Variants in FBXO28 observed in about 807,000 individuals in gnomAD.
FBXO28 encodes F-box protein 28, also known as F-box only protein 28.
Under a neutral mutation model 38.1 loss-of-function variants are expected in FBXO28, and 8 were observed. That is an observed-to-expected ratio of 0.21 (90% CI 0.12 to 0.38). The LOEUF is 0.38. Ranked by LOEUF, FBXO28 falls within the 10% of genes least tolerant of loss-of-function variation. The pLI, the probability that FBXO28 is intolerant of heterozygous loss-of-function variation, is 1.00. For missense variants in FBXO28, 345 were observed against 460.6 expected (o/e 0.75, Z 2.30); for synonymous variants, 168 against 173.8 (o/e 0.97, Z 0.26).
rs954257746 is a variant in FBXO28, at chr1:224,158,649, A to G, written c.*903A>G. Reference sequence around the variant, plus strand: ...TATCTGCTCTCTGTAGGGTTCAGGTACACTGGCTAAGGCAGAACCCCAAAT... The same window carrying G: ...TATCTGCTCTCTGTAGGGTTCAGGTGCACTGGCTAAGGCAGAACCCCAAAT... On this transcript the variant is annotated 3_prime_UTR_variant, in exon 5 of 5. Coordinates refer to ENST00000366862, the MANE Select transcript of FBXO28 (RefSeq NM_015176.4). 6.6e-6 allele frequency: 1 copy of G among 152,210 alleles called. No individual in the cohort carries two copies. Among genetic ancestry groups the G allele is most frequent in the African/African-American group, 2.4e-5 (1 of 41,436 alleles). 9.4% of individuals were successfully genotyped at this position (152,210 alleles called of 1,614,324 possible). A position where few individuals can be genotyped will look rare whatever the true frequency, so the allele number is the denominator to read the frequency against.
chr1:224,135,527 G>T (rs962799932), intron 3 of FBXO28, among the ~76,000 whole-genome samples: 2 of 144,262 alleles, frequency 1.4e-5, no homozygotes, highest in African/African-American at 5.2e-5. Flanking sequence ...CAGAAGAATC[G>T]CTTGAACCCG....
intron 2 of FBXO28, 74 bp downstream of exon 2, chr1:224,130,655 A>G (rs1657017626): frequency 2.1e-6 from 2 of 950,336 alleles, no homozygotes; most frequent in Non-Finnish European, 3.3e-6. Context: ...TTTCAGTCTC[A>G]TGGTTTACAT....
At chr1:224,117,365 A>C (rs1024553748) in intron 1 of FBXO28, among the ~76,000 whole-genome samples, 2 of 151,730 alleles carry the variant, frequency 1.3e-5, no homozygotes, top group Non-Finnish European at 2.9e-5. Flanking sequence ...ACGGGGTTTC[A>C]CCATGTTGCC....
intron 1 of FBXO28, among the ~76,000 whole-genome samples, chr1:224,121,094 A>G (rs561140015): frequency 2.6e-5 from 4 of 152,298 alleles, no homozygotes; most frequent in South Asian, 4.1e-4. Context: ...AGGAGTTATT[A>G]AAATTGATTG....
intron 2 of FBXO28, 77 bp downstream of exon 2, chr1:224,130,658 G>A: frequency 1.1e-6 from 1 of 929,756 alleles, no homozygotes; most frequent in East Asian, 2.5e-5. Flanking sequence ...CAGTCTCATG[G>A]TTTACATATT....
chr1:224,119,696 T>G (rs1656728356), intron 1 of FBXO28, among the ~76,000 whole-genome samples: 1 of 152,088 alleles, frequency 6.6e-6, no homozygotes, highest in African/African-American at 2.4e-5. Context: ...TTGAGGTTGA[T>G]TAGGACTTAA....
chr1:224,142,958 G>A (rs1028796752), intron 3 of FBXO28, among the ~76,000 whole-genome samples: 4 of 150,342 alleles, frequency 2.7e-5, no homozygotes, highest in Non-Finnish European at 4.4e-5. Flanking sequence ...ATAAATAATC[G>A]TGCCACTGAA....
intron 3 of FBXO28, among the ~76,000 whole-genome samples, chr1:224,136,102 T>TTTTTTTTG (rs886272907): frequency 3.5e-4 from 3 of 8,488 alleles, no homozygotes; most frequent in African/African-American, 9.5e-4. Context: ...TTGACTTCAG[T>TTTTTTTTG]TTTTTTTTTT....
chr1:224,116,750 A>G (rs1165481949), intron 1 of FBXO28, among the ~76,000 whole-genome samples: 1 of 152,192 alleles, frequency 6.6e-6, no homozygotes, highest in East Asian at 1.9e-4. Context: ...ATTTTCTTTA[A>G]AAGATTTGCT....
chr1:224,124,836 T>A (rs1283475914), intron 1 of FBXO28, among the ~76,000 whole-genome samples: 1 of 152,074 alleles, frequency 6.6e-6, no homozygotes, highest in Non-Finnish European at 1.5e-5. Context: ...CAAGCGACCC[T>A]CCTGCCTCAG....
intron 1 of FBXO28, 146 bp downstream of exon 1, chr1:224,114,542 TC>T: frequency 1.6e-6 from 1 of 636,080 alleles, no homozygotes; most frequent in Non-Finnish European, 2.6e-6. Context: ...TCCCGAACTC[TC>T]CCTTGGCGTC....
chr1:224,133,658 T>A (rs1396738597), intron 2 of FBXO28, among the ~76,000 whole-genome samples: 2 of 151,834 alleles, frequency 1.3e-5, no homozygotes, highest in Non-Finnish European at 2.9e-5. Context: ...GCTGGGACTA[T>A]AGGCATGCAC....
At chr1:224,142,261 A>G (rs1261516767) in intron 3 of FBXO28, among the ~76,000 whole-genome samples, 2 of 151,568 alleles carry the variant, frequency 1.3e-5, no homozygotes, top group Non-Finnish European at 2.9e-5. Context: ...CTGAGGCAGG[A>G]GAATCGCTTG....
rs1386239166 is a variant in FBXO28 at position 224,139,764 on chromosome 1, G to GCATGCATGCATGCATACATACATA, written c.516+5555_516+5556insGCATGCATGCATACATACATACAT. 5.8e-3 allele frequency among the ~76,000 whole-genome samples: 844 copies of GCATGCATGCATGCATACATACATA among 146,024 alleles called. 9 individuals carry two copies. The highest frequency in any genetic ancestry group is 0.019 in the Admixed American group (276 of 14,304). On this transcript the variant is annotated intron_variant, in intron 3 of 4. Transcript: ENST00000366862. ...GAAATAAATACATACATGCATGCATGCATACATACATACATACATACATAC... is the reference window on the plus strand; with the variant it reads ...GAAATAAATACATACATGCATGCATGCATGCATGCATGCATACATACATACATACATACATACATACATACATAC...
chr1:224,114,126 C>A lies in FBXO28; in HGVS notation c.-4C>A, dbSNP rs1234981829. The A allele has an allele frequency of 9.1e-6, 14 of 1,537,516 alleles. No homozygotes were observed. In the Admixed American group the frequency reaches 1.2e-4, roughly 13 times the overall value. Reference sequence around the variant, plus strand: ...CTGTGGGGGTAAGGAATCAAGCCCCCAAGATGGCGGCAGCGGCGGAGGAGC... The same window carrying A: ...CTGTGGGGGTAAGGAATCAAGCCCCAAAGATGGCGGCAGCGGCGGAGGAGC... On this transcript the variant is annotated 5_prime_UTR_variant, in exon 1 of 5. Transcript: ENST00000366862.
chr1:224,134,122 T>C lies in FBXO28; in HGVS notation c.426T>C (p.Ile142=), dbSNP rs1341208515. The C allele has an allele frequency of 5.0e-6, 8 of 1,608,882 alleles. No homozygotes were observed. Among genetic ancestry groups the C allele is most frequent in the East Asian group, 2.2e-5 (1 of 44,594 alleles). ...ATTCATTAGCTCGTCATGCAGACAT[T>C]CTTGCTGCTGTTGAAACAAGGCTGT... The part of the protein sequence containing the change: ...RNHSLARHAD[I]LAAVETRLSL... The change falls in exon 3 of 5, where the codon ATT becomes ATC. Residue 142 remains isoleucine (I), a synonymous_variant. Transcript: ENST00000366862.
intron 4 of FBXO28, among the ~76,000 whole-genome samples, chr1:224,155,823 T>C (rs1322557234): frequency 6.6e-6 from 1 of 152,188 alleles, no homozygotes; most frequent in Non-Finnish European, 1.5e-5. Context: ...TAAAAAGAAG[T>C]GTAATACGTG....
rs1462824950 is a variant in FBXO28 at position 224,162,042 on chromosome 1, C to T, written c.*4296C>T. On this transcript the variant is annotated 3_prime_UTR_variant, in exon 5 of 5. Coordinates refer to ENST00000366862, the MANE Select transcript of FBXO28 (RefSeq NM_015176.4). ...GGGTACGTAAATAAATGTGTTGTTA[C>T]CAGTGCTACTTGTTTTCTTTGTATT... 1 of 152,138 alleles carries T rather than the reference C, an allele frequency of 6.6e-6. No individual in the cohort carries two copies. Among genetic ancestry groups the T allele is most frequent in the Non-Finnish European group, 1.5e-5 (1 of 68,024 alleles). The allele number at this position is 152,138 out of a possible 1,614,324, so 9.4% of individuals were successfully genotyped here.
chr1:224,157,972 TTC>T lies in FBXO28; in HGVS notation c.*228_*229del, dbSNP rs982746544. 2 of 1,311,516 alleles carry T rather than the reference TTC, an allele frequency of 1.5e-6. No homozygotes were observed. The highest frequency in any genetic ancestry group is 3.0e-5 in the African/African-American group (2 of 66,718). The allele number at this position is 1,311,516 out of a possible 1,614,324, so 81.2% of individuals were successfully genotyped here. On this transcript the variant is annotated 3_prime_UTR_variant, in exon 5 of 5. Transcript: ENST00000366862. The stretch of plus-strand genomic sequence containing the variant: ...AATAGATTTGTACTAACCAGACCTG[TTC>T]TATCATGTTTTGAGGAGTTAACTTT...
Sources: gnomAD v4.1 joint callset for allele counts (sites outside exome capture counted in the v4.1 genomes callset) on GRCh38, gnomAD v4.1.1 for gene constraint, MANE v1.5 for transcripts, NCBI Gene and HGNC (gene_info 2026-07-23, HGNC 2026-07-21) for gene names.